RHEX: variants seen among roughly 807,000 people sequenced by gnomAD.
RHEX encodes the protein regulator of hemoglobinization and erythroid cell expansion protein.
RHEX carries 18 observed loss-of-function variants against 20.1 expected under a neutral mutation model. The observed-to-expected ratio is 0.90, with a 90% CI of 0.62 to 1.33. RHEX has a LOEUF of 1.33. Among genes scored for constraint, RHEX ranks in the 40% most tolerant of loss-of-function variants. RHEX has a pLI of 0.00. For missense variants in RHEX, 192 were observed against 214.3 expected (o/e 0.90, Z 0.65); for synonymous variants, 87 against 77.1 (o/e 1.13, Z -0.67).
chr1:206,069,047 G>A (rs1318192308), intron 1 of RHEX, among the ~76,000 whole-genome samples: 1 of 152,192 alleles, frequency 6.6e-6, no homozygotes, highest in Non-Finnish European at 1.5e-5. Flanking sequence ...TGCCCTTTCT[G>A]GTTGCCTTGA....
At chr1:206,058,812 G>C (rs1007912491) in intron 1 of RHEX, among the ~76,000 whole-genome samples, 1 of 152,094 alleles carries the variant, frequency 6.6e-6, no homozygotes, top group Non-Finnish European at 1.5e-5. Context: ...CGGGGAGCTC[G>C]GATTTTAAGG....
intron 1 of RHEX, among the ~76,000 whole-genome samples, chr1:206,063,952 C>T (rs1228444419): frequency 1.3e-5 from 2 of 150,720 alleles, no homozygotes; most frequent in African/African-American, 2.4e-5. Context: ...GTGAGGAGCG[C>T]CTCTTCCAGG....
At chr1:206,088,886 C>A (rs1221367388) in intron 1 of RHEX, among the ~76,000 whole-genome samples, 2 of 151,972 alleles carry the variant, frequency 1.3e-5, no homozygotes, top group Non-Finnish European at 2.9e-5. Context: ...AGTGGTGCAA[C>A]CACGGCTCAT....
intron 1 of RHEX, among the ~76,000 whole-genome samples, chr1:206,087,543 G>A (rs1662863697): frequency 6.6e-6 from 1 of 152,150 alleles, no homozygotes; most frequent in Admixed American, 6.5e-5. Context: ...AAGTGCAAAT[G>A]AACTCTTGAA....
At chr1:206,087,902 C>T (rs1662869705) in intron 1 of RHEX, among the ~76,000 whole-genome samples, 1 of 152,106 alleles carries the variant, frequency 6.6e-6, no homozygotes, top group Admixed American at 6.6e-5. Context: ...TTGATTTAGC[C>T]ATTCCACAAT....
chr1:206,073,853 A>G (rs992147384), intron 1 of RHEX, among the ~76,000 whole-genome samples: 13 of 152,190 alleles, frequency 8.5e-5, no homozygotes, highest in Non-Finnish European at 1.6e-4. Context: ...CATTGCAACC[A>G]GAGGGTTCCT....
intron 4 of RHEX, 136 bp downstream of exon 4, chr1:206,099,934 T>C (rs1663154870): frequency 1.3e-6 from 1 of 744,022 alleles, no homozygotes; most frequent in Non-Finnish European, 2.2e-6. Context: ...CAGGACAGCC[T>C]TGCCAGCCTA....
intron 4 of RHEX, 117 bp from the exon 5 acceptor site, chr1:206,101,019 C>T: frequency 1.4e-6 from 1 of 729,604 alleles, no homozygotes. Flanking sequence ...CTTTTTGTTG[C>T]TGGCTCTGCC....
At chr1:206,098,403 T>A (rs1208418313) in intron 3 of RHEX, 1 of 532,616 alleles carries the variant, frequency 1.9e-6, no homozygotes, top group African/African-American at 1.9e-5. Flanking sequence ...TGGCTGGAAG[T>A]GGCCATCCAC....
At chr1:206,071,413 A>G (rs891686107) in intron 1 of RHEX, among the ~76,000 whole-genome samples, 2 of 152,114 alleles carry the variant, frequency 1.3e-5, no homozygotes, top group Admixed American at 1.3e-4. Flanking sequence ...TCCTTTGGCA[A>G]CATCCTCACA....
intron 1 of RHEX, among the ~76,000 whole-genome samples, chr1:206,059,055 C>A (rs956448165): frequency 4.6e-5 from 7 of 152,134 alleles, no homozygotes. Context: ...CCTGCCGTAA[C>A]AGGTGTGCTC....
intron 1 of RHEX, among the ~76,000 whole-genome samples, chr1:206,072,829 CTT>C (rs71152466): frequency 1.2e-4 from 14 of 121,622 alleles, no homozygotes; most frequent in Admixed American, 8.6e-5. Context: ...CCTCCTGTGT[CTT>C]TTTTTTTTTT....
intron 1 of RHEX, among the ~76,000 whole-genome samples, chr1:206,059,175 T>G (rs373879699): frequency 1.4e-4 from 22 of 152,270 alleles, no homozygotes; most frequent in African/African-American, 4.8e-4. Context: ...GCCCTGTGAC[T>G]TGATGCTTCA....
rs1662439940 is a variant in RHEX, at chr1:206,067,303, G to A, written c.-97+14038G>A. The stretch of plus-strand genomic sequence containing the variant: ...AGGGGACTCCAGAACGTGATTCCCG[G>A]TCTCTCCACCTTAATCCTGTCATCA... On this transcript the variant is annotated intron_variant, in intron 1 of 5. Coordinates refer to ENST00000331555, the MANE Select transcript of RHEX (RefSeq NM_001007544.4). This position sits in a 1 kb window ranked among gnomAD's most constrained non-coding sequence, Gnocchi z 4.6. Among the ~76,000 whole-genome samples the A allele has an allele frequency of 6.6e-6, 1 of 152,126 alleles. No individual in the cohort carries two copies. The highest frequency in any genetic ancestry group is 1.5e-5 in the Non-Finnish European group (1 of 68,024).
At chr1:206,059,687 G>A (rs1662271092) in intron 1 of RHEX, among the ~76,000 whole-genome samples, 2 of 151,748 alleles carry the variant, frequency 1.3e-5, no homozygotes, top group Non-Finnish European at 2.9e-5. Context: ...TCAGGCAAGT[G>A]CCTTCCCCTG....
At chr1:206,065,148 G>A (rs975007283) in intron 1 of RHEX, among the ~76,000 whole-genome samples, 4 of 152,150 alleles carry the variant, frequency 2.6e-5, no homozygotes, top group African/African-American at 9.7e-5. Flanking sequence ...GCGGAAGGCC[G>A]CAGGGTCTTC....
At chr1:206,059,439 GGCTAGTAAATT>G (rs1662262280) in intron 1 of RHEX, among the ~76,000 whole-genome samples, 1 of 152,144 alleles carries the variant, frequency 6.6e-6, no homozygotes, top group African/African-American at 2.4e-5. Context: ...TATCCAAGGT[GGCTAGTAAATT>G]GCCTTAGTGA....
At position 206,097,782 on chromosome 1, in the gene RHEX, G is replaced by C; in HGVS notation, c.-47G>C. The C allele has an allele frequency of 6.2e-7, 1 of 1,614,132 alleles. No homozygotes were observed. The highest frequency in any genetic ancestry group is 8.5e-7 in the Non-Finnish European group (1 of 1,179,994). On this transcript the variant is annotated 5_prime_UTR_variant, in exon 2 of 6. Coordinates refer to ENST00000331555, the MANE Select transcript of RHEX (RefSeq NM_001007544.4). ...CTACTGAGAGACGAGGTGCCAGGGTGGTTCCTGAAAGTGCCTGAGCCCCAA... is the reference window on the plus strand; with the variant it reads ...CTACTGAGAGACGAGGTGCCAGGGTCGTTCCTGAAAGTGCCTGAGCCCCAA...
At chr1:206,086,210 G>A (rs1345376869) in intron 1 of RHEX, among the ~76,000 whole-genome samples, 3 of 152,190 alleles carry the variant, frequency 2.0e-5, no homozygotes, top group Non-Finnish European at 4.4e-5. Context: ...AAAATCATGA[G>A]TGGGCCCAGT....
Sources: gnomAD v4.1 joint callset for allele counts (sites outside exome capture counted in the v4.1 genomes callset) on GRCh38, gnomAD v4.1.1 for gene constraint, Gnocchi (gnomAD v3.1) non-coding constraint, MANE v1.5 for transcripts, NCBI Gene and HGNC (gene_info 2026-07-23, HGNC 2026-07-21) for gene names.